The following SDHA variants were observed in gnomAD, a reference collection of about 807,000 sequenced individuals.
SDHA encodes succinate dehydrogenase [ubiquinone] flavoprotein subunit, mitochondrial.
In SDHA, 48 loss-of-function variants were observed where a neutral mutation model predicts 78.4. The ratio of observed to expected loss-of-function variants is 0.61; its 90% confidence interval spans 0.49 to 0.78. The LOEUF (loss-of-function observed/expected upper bound fraction) is 0.78. Ranked by LOEUF, SDHA falls within the 30% of genes least tolerant of loss-of-function variation. SDHA has a pLI of 0.00. For missense variants in SDHA, 680 were observed against 892.7 expected (o/e 0.76, Z 3.04); for synonymous variants, 326 against 353.9 (o/e 0.92, Z 0.88).
intron 12 of SDHA, 22 bp from the exon 13 acceptor site, chr5:251,316 A>C: frequency 6.2e-7 from 1 of 1,610,404 alleles, no homozygotes; most frequent in Non-Finnish European, 8.5e-7. Flanking sequence ...CCTGCCCCTG[A>C]TGGAACTTTT....
chr5:260,082 G>C (rs1476652645), downstream of SDHA, among the ~76,000 whole-genome samples: 8 of 17,816 alleles, frequency 4.5e-4, no homozygotes, highest in Admixed American at 9.2e-4. Flanking sequence ...CCTCCCGTCA[G>C]AGCATTACCG....
At chr5:225,009 C>T (rs183883341) in intron 3 of SDHA, among the ~76,000 whole-genome samples, 107 of 152,280 alleles carry the variant, frequency 7.0e-4, no homozygotes, top group African/African-American at 2.6e-3. Context: ...TGGCAGGAAG[C>T]ACTTCTAGTC....
Position 224,446 on chromosome 5 carries a change from C to T in SDHA, c.237C>T (p.Gly79=), listed in dbSNP as rs767927763. ...GGGCAGGCTTGCGAGCTGCATTTGG[C>T]CTTTCTGAGGCAGGGTTTAATACAG... ...AGGAGLRAAF[G]LSEAGFNTAC... is the part of the protein sequence containing the mutation. Residue 79 remains glycine (G), a synonymous_variant, in exon 3 of 15, where the codon GGC becomes GGT. Transcript: ENST00000264932. 2.5e-6 allele frequency: 4 copies of T among 1,613,572 alleles called. No homozygotes were observed. The South Asian group carries it at 3.3e-5, about 13-fold the overall frequency.
rs2126589526 is a variant in SDHA, at chr5:236,461, G to A, written c.1294G>A (p.Val432Met). The change falls in exon 10 of 15, where the codon GTG (valine) becomes ATG (methionine). Residue 432 changes from valine to methionine, a missense_variant. Val to Met is a conservative substitution (Grantham distance 21). Transcript: ENST00000264932. ...GCACGTGAATGGCCAGGATCAGATT[G>A]TGCCCGGCCTGTACGCCTGTGGGGA... The part of the protein sequence containing the change: ...LRHVNGQDQI[V>M]PGLYACGEAA... 1.2e-6 allele frequency: 2 copies of A among 1,614,016 alleles called. No individual in the cohort carries two copies. Among genetic ancestry groups the A allele is most frequent in the Non-Finnish European group, 1.7e-6 (2 of 1,179,870 alleles).
Position 225,499 on chromosome 5 carries a change from C to T in SDHA, c.393C>T (p.Asp131=). Residue 131 remains aspartate, a synonymous_variant, in exon 4 of 15, where the codon GAC becomes GAT. Coordinates refer to ENST00000264932, the MANE Select transcript of SDHA (RefSeq NM_004168.4). ...WHFYDTVKGS[D]WLGDQDAIHY... is the part of the protein sequence containing the mutation. Reference sequence around the variant, plus strand: ...TCTACGACACCGTGAAGGGCTCCGACTGGCTGGGGGACCAGGATGCCATCC... The same window carrying T: ...TCTACGACACCGTGAAGGGCTCCGATTGGCTGGGGGACCAGGATGCCATCC... The T allele has an allele frequency of 6.2e-7, 1 of 1,613,916 alleles. No homozygotes were observed. Among genetic ancestry groups the T allele is most frequent in the South Asian group, 1.1e-5 (1 of 91,068 alleles).
the SDHA span, among the ~76,000 whole-genome samples, chr5:262,766 C>T: frequency 2.6e-5 from 4 of 152,152 alleles, no homozygotes; most frequent in Non-Finnish European, 1.5e-5. Context: ...CAATTATTTC[C>T]AAGTTTGTCA....
Position 223,427 on chromosome 5 carries a change from G to A in SDHA, c.64-55G>A, listed in dbSNP as rs1286390091. On this transcript the variant is annotated intron_variant, in intron 1 of 14. Transcript: ENST00000264932. ...CAAGGGGAAATTACTATCCCCCACA[G>A]CATTTGTTCCTTCAGGACACTAACC... 4.1e-6 allele frequency: 5 copies of A among 1,227,056 alleles called. No individual in the cohort carries two copies. In the Admixed American group the frequency reaches 5.0e-5, roughly 12 times the overall value. 76.0% of individuals were successfully genotyped at this position (1,227,056 alleles called of 1,614,324 possible). A position where few individuals can be genotyped will look rare whatever the true frequency, so the allele number is the denominator to read the frequency against.
intron 1 of SDHA, chr5:220,134 C>T (rs906450571): frequency 9.5e-6 from 2 of 210,016 alleles, no homozygotes; most frequent in African/African-American, 4.6e-5. Context: ...TTTTTAACCT[C>T]ATTTTGGCCA....
At chr5:246,618 T>C (rs1736480559) in intron 11 of SDHA, among the ~76,000 whole-genome samples, 1 of 152,240 alleles carries the variant, frequency 6.6e-6, no homozygotes, top group Non-Finnish European at 1.5e-5. Flanking sequence ...CTGGTGTTAT[T>C]GTTCAAGAGC....
At chr5:230,584 C>T (rs548930776) in intron 6 of SDHA, among the ~76,000 whole-genome samples, 85 of 152,268 alleles carry the variant, frequency 5.6e-4, no homozygotes, top group Non-Finnish European at 1.0e-3. Flanking sequence ...CGAGATCGCA[C>T]CACTCTACTC....
intron 6 of SDHA, among the ~76,000 whole-genome samples, chr5:229,943 T>C (rs1362688223): frequency 6.6e-6 from 1 of 152,166 alleles, no homozygotes; most frequent in African/African-American, 2.4e-5. Flanking sequence ...AGAGTTAATA[T>C]ACAGCATGGT....
Position 218,350 on chromosome 5 carries a change from G to A in SDHA, c.-6G>A, listed in dbSNP as rs1734494293. The A allele has an allele frequency of 7.5e-6, 11 of 1,457,284 alleles. No individual in the cohort carries two copies. The highest frequency in any genetic ancestry group is 9.9e-6 in the Non-Finnish European group (11 of 1,113,800). 90.3% of individuals were successfully genotyped at this position (1,457,284 alleles called of 1,614,324 possible). A position where few individuals can be genotyped will look rare whatever the true frequency, so the allele number is the denominator to read the frequency against. On this transcript the variant is annotated 5_prime_UTR_variant, in exon 1 of 15. Transcript: ENST00000264932. ...CTGGCGGGACTGCGCGGCGGCAACA[G>A]CAGACATGTCGGGGGTCCGGGGCCT...
intron 11 of SDHA, among the ~76,000 whole-genome samples, chr5:246,396 G>A (rs1302909151): frequency 6.7e-6 from 1 of 149,924 alleles, no homozygotes; most frequent in Non-Finnish European, 1.5e-5. Flanking sequence ...GAAACGCAAG[G>A]CCGTAAAGCC....
chr5:247,617 CT>C (rs1736541034), intron 11 of SDHA, among the ~76,000 whole-genome samples: 1 of 152,218 alleles, frequency 6.6e-6, no homozygotes, highest in South Asian at 2.1e-4. Flanking sequence ...ACCTAATTCT[CT>C]TTGGGAAATG....
intron 7 of SDHA, among the ~76,000 whole-genome samples, chr5:231,383 C>G (rs1735386367): frequency 6.6e-6 from 1 of 151,646 alleles, no homozygotes. Flanking sequence ...AACATGGTGA[C>G]ACCTCGTCTC....
At chr5:226,883 C>A (rs1028249223) in intron 5 of SDHA, among the ~76,000 whole-genome samples, 1 of 143,320 alleles carries the variant, frequency 7.0e-6, no homozygotes, top group East Asian at 2.1e-4. Flanking sequence ...GAGCCGAGAT[C>A]GCACCCCTGC....
rs188351043 is a variant in SDHA at position 232,626 on chromosome 5, T to C, written c.896-851T>C. 8.5e-5 allele frequency among the ~76,000 whole-genome samples: 13 copies of C among 152,338 alleles called. No individual in the cohort carries two copies. The East Asian group carries it at 9.6e-4, about 11-fold the overall frequency. On this transcript the variant is annotated intron_variant, in intron 7 of 14. Coordinates refer to ENST00000264932, the MANE Select transcript of SDHA (RefSeq NM_004168.4). ...CACTGCTCATGCTTTGTCTTCAGTA[T>C]GTGAGAAGTAACCACAGAAAAAAGA...
intron 11 of SDHA, among the ~76,000 whole-genome samples, chr5:247,012 C>T (rs537464538): frequency 6.6e-6 from 1 of 152,234 alleles, no homozygotes; most frequent in Non-Finnish European, 1.5e-5. Context: ...TTGAAATTAA[C>T]TAATTGGATT....
intron 6 of SDHA, among the ~76,000 whole-genome samples, chr5:230,178 C>T (rs55933847): frequency 0.25 from 37,667 of 151,832 alleles, 7,430 homozygotes; most frequent in African/African-American, 0.55. Flanking sequence ...TAAATCATCA[C>T]GCTGTACACC....
Sources: gnomAD v4.1 joint callset for allele counts (sites outside exome capture counted in the v4.1 genomes callset) on GRCh38, gnomAD v4.1.1 for gene constraint, MANE v1.5 for transcripts, NCBI Gene and HGNC (gene_info 2026-07-23, HGNC 2026-07-21) for gene names.